Variants in MYO18A observed in about 807,000 individuals in gnomAD.
MYO18A encodes myosin XVIIIA.
MYO18A carries 78 observed loss-of-function variants against 235.8 expected under a neutral mutation model. That is an observed-to-expected ratio of 0.33 (90% confidence interval 0.28 to 0.40). MYO18A has a LOEUF of 0.40. Ranked by LOEUF, MYO18A falls within the 10% of genes least tolerant of loss-of-function variation. MYO18A has a pLI of 1.00. For missense variants in MYO18A, 2,215 were observed against 2,699.3 expected, an observed-to-expected ratio of 0.82 and a Z score of 3.98; for synonymous variants, 977 against 1,077.8, an observed-to-expected ratio of 0.91 and a Z score of 1.83.
In MYO18A at chr17:29,140,448, C is replaced by T; in HGVS notation, c.1000-18195G>A. The T allele has an allele frequency of 4.9e-6, 6 of 1,236,344 alleles. No individual in the cohort carries two copies. The highest frequency in any genetic ancestry group is 4.2e-6 in the Non-Finnish European group (4 of 962,986). 76.6% of individuals were successfully genotyped at this position (1,236,344 alleles called of 1,614,324 possible). A position where few individuals can be genotyped will look rare whatever the true frequency, so the allele number is the denominator to read the frequency against. On this transcript the variant is annotated intron_variant, in intron 2 of 41. Transcript: ENST00000527372. This position sits in a 1 kb window ranked among gnomAD's most constrained non-coding sequence, Gnocchi z 4.2. ...ACAGGCTGTGGCCCCGCCCAGTTCC[C>T]GCCCTCTCCCCGGCCCCTCCCGTCC...
intron 2 of MYO18A, among the ~76,000 whole-genome samples, chr17:29,155,742 G>A (rs1353067553): frequency 2.6e-5 from 4 of 152,192 alleles, no homozygotes; most frequent in Admixed American, 1.3e-4. Flanking sequence ...GATGGAATCC[G>A]AGGCGGCTCC....
chr17:29,089,301 G>A (rs1028312170), intron 37 of MYO18A, among the ~76,000 whole-genome samples: 1 of 150,534 alleles, frequency 6.6e-6, no homozygotes, highest in African/African-American at 2.4e-5. Context: ...CGTGCCTGTA[G>A]TCCCATCTAC....
intron 37 of MYO18A, 109 bp downstream of exon 37, chr17:29,089,852 G>C: frequency 7.1e-7 from 1 of 1,407,036 alleles, no homozygotes; most frequent in Non-Finnish European, 9.6e-7. Context: ...TGAGGCACAG[G>C]CCTCTGAGGA....
At chr17:29,138,435 G>A (rs1016282539) in intron 2 of MYO18A, among the ~76,000 whole-genome samples, 7 of 152,148 alleles carry the variant, frequency 4.6e-5, no homozygotes, top group African/African-American at 1.2e-4. Context: ...GAGGCACAGA[G>A]GGCAGCTCCC....
intron 1 of MYO18A, among the ~76,000 whole-genome samples, chr17:29,179,474 G>A (rs2068602290): frequency 6.6e-6 from 1 of 152,068 alleles, no homozygotes; most frequent in South Asian, 2.1e-4. Context: ...CACTAACAAG[G>A]GGCAGGGTGA....
chr17:29,101,678 C>T (rs150863872), intron 21 of MYO18A, among the ~76,000 whole-genome samples: 2 of 152,248 alleles, frequency 1.3e-5, no homozygotes, highest in Non-Finnish European at 2.9e-5. Context: ...CAAGTCCCGC[C>T]GGAGGACAGC....
At chr17:29,148,332 G>C (rs1330066650) in intron 2 of MYO18A, among the ~76,000 whole-genome samples, 4 of 152,152 alleles carry the variant, frequency 2.6e-5, no homozygotes. Flanking sequence ...GTCAATAATA[G>C]AACTATATTT....
chr17:29,131,301 A>ACG, intron 2 of MYO18A: 3 of 788,066 alleles, frequency 3.8e-6, no homozygotes, highest in Non-Finnish European at 4.6e-6. Context: ...AAACACACAC[A>ACG]CGCACACACA....
In MYO18A at chr17:29,111,847, C is replaced by T. The variant is rs776344234; in HGVS notation, c.2615G>A (p.Arg872His). 7 of 1,612,120 alleles carry T rather than the reference C, an allele frequency of 4.3e-6. No individual in the cohort carries two copies. The highest frequency in any genetic ancestry group is 1.7e-5 in the Admixed American group (1 of 59,574). ...GAGCAGGCCCCTCGCCTCGTCTGTG[C>T]GGGCCAGCGAGCGGACCTACAGAGA... ...SHQSLVRSLA[R>H]TDEARGLLWL... Residue 872 changes from arginine (R) to histidine (H), a missense_variant, in exon 16 of 42, where the codon CGC becomes CAC. Arg to His is a conservative substitution (Grantham distance 29). Transcript: ENST00000527372. This position sits in a 1 kb window ranked among gnomAD's most constrained non-coding sequence, Gnocchi z 5.1.
chr17:29,118,815 T>G lies in MYO18A; in HGVS notation c.1830-375A>C, dbSNP rs2067133769. Among the ~76,000 whole-genome samples the G allele has an allele frequency of 6.6e-6, 1 of 152,236 alleles. No homozygotes were observed. The highest frequency in any genetic ancestry group is 6.5e-5 in the Admixed American group (1 of 15,288). ...GCTCAGCCTCATCATTTATCTCTTT[T>G]TAGTGAACACACGCGGCAAATCTGA... is the stretch of plus-strand genomic sequence containing the variant. On this transcript the variant is annotated intron_variant, in intron 8 of 41. Coordinates refer to ENST00000527372, the MANE Select transcript of MYO18A (RefSeq NM_078471.4). This position sits in a 1 kb window ranked among gnomAD's most constrained non-coding sequence, Gnocchi z 4.2.
intron 31 of MYO18A, 124 bp from the exon 32 acceptor site, chr17:29,093,551 G>A (rs1416679670): frequency 2.7e-6 from 2 of 727,696 alleles, no homozygotes; most frequent in African/African-American, 1.7e-5. Context: ...AATGATGTTG[G>A]TGGAGGGGTC....
chr17:29,095,838 C>T (rs995923445), intron 28 of MYO18A, among the ~76,000 whole-genome samples: 3 of 152,138 alleles, frequency 2.0e-5, no homozygotes, highest in Non-Finnish European at 4.4e-5. Context: ...AGTTGCCCAG[C>T]GGGGAGCAGG....
At chr17:29,096,057 T>C (rs776480925) in intron 28 of MYO18A, among the ~76,000 whole-genome samples, 2 of 152,114 alleles carry the variant, frequency 1.3e-5, no homozygotes, top group Non-Finnish European at 2.9e-5. Flanking sequence ...AGGCCGGGGG[T>C]AACCCAGGGT....
chr17:29,148,371 C>T (rs1035117999), intron 2 of MYO18A, among the ~76,000 whole-genome samples: 16 of 152,250 alleles, frequency 1.1e-4, no homozygotes, highest in African/African-American at 3.9e-4. Context: ...CTGTTTAAAG[C>T]ACTCAGAGCT....
chr17:29,121,828 C>T lies in MYO18A; in HGVS notation c.1194+23G>A, dbSNP rs1375490604. 3 of 1,613,184 alleles carry T rather than the reference C, an allele frequency of 1.9e-6. No homozygotes were observed. The highest frequency in any genetic ancestry group is 2.5e-6 in the Non-Finnish European group (3 of 1,179,302). On this transcript the variant is annotated intron_variant, in intron 4 of 41. Transcript: ENST00000527372. This position sits in a 1 kb window ranked among gnomAD's most constrained non-coding sequence, Gnocchi z 4.2. ...GTGCACTCCTGAGCCTCCTCCCCCA[C>T]ACCCAGCCCCCTGCCCACCTACCTT...
chr17:29,083,048 T>C (rs905078911), intron 40 of MYO18A, among the ~76,000 whole-genome samples: 3 of 126,110 alleles, frequency 2.4e-5, no homozygotes, highest in African/African-American at 9.1e-5. Flanking sequence ...GTGGCTTCTC[T>C]GGCTCTTAAG....
chr17:29,149,411 G>T (rs1373793285), intron 2 of MYO18A, among the ~76,000 whole-genome samples: 1 of 152,202 alleles, frequency 6.6e-6, no homozygotes, highest in Non-Finnish European at 1.5e-5. Flanking sequence ...AAGGTCAGTG[G>T]GTATGGGACG....
At chr17:29,138,763 G>C (rs2067665724) in intron 2 of MYO18A, among the ~76,000 whole-genome samples, 1 of 152,142 alleles carries the variant, frequency 6.6e-6, no homozygotes, top group Non-Finnish European at 1.5e-5. Flanking sequence ...GGCAGATCTG[G>C]GACTCACACT....
rs868660570 is a variant in MYO18A at position 29,140,785 on chromosome 17, T to C, written c.1000-18532A>G. On this transcript the variant is annotated intron_variant, in intron 2 of 41. Coordinates refer to ENST00000527372, the MANE Select transcript of MYO18A (RefSeq NM_078471.4). The surrounding 1 kb of genome is among the most constrained non-coding windows in gnomAD (Gnocchi z 4.2). ...CTTGAGACAAGCACATGCGCACTCATGTGCATGTACACGTATACACACACA... is the reference window on the plus strand; with the variant it reads ...CTTGAGACAAGCACATGCGCACTCACGTGCATGTACACGTATACACACACA... Among the ~76,000 whole-genome samples the C allele has an allele frequency of 4.6e-5, 7 of 151,776 alleles. No individual in the cohort carries two copies. Among genetic ancestry groups the C allele is most frequent in the Admixed American group, 2.6e-4 (4 of 15,270 alleles).
Sources: gnomAD v4.1 joint callset for allele counts (sites outside exome capture counted in the v4.1 genomes callset) on GRCh38, gnomAD v4.1.1 for gene constraint, Gnocchi (gnomAD v3.1) non-coding constraint, MANE v1.5 for transcripts, NCBI Gene and HGNC (gene_info 2026-07-23, HGNC 2026-07-21) for gene names.